SPARC: variants seen among roughly 807,000 people sequenced by gnomAD.
The protein encoded by SPARC is basement-membrane protein 40.
A neutral mutation model predicts 37.7 loss-of-function variants in SPARC; 23 were observed. The observed-to-expected ratio is 0.61, with a 90% CI of 0.44 to 0.87. The LOEUF (loss-of-function observed/expected upper bound fraction) is 0.87, where lower values mean the gene tolerates loss of function less well. Among genes scored for constraint, SPARC ranks in the 40% least tolerant of loss-of-function variants. SPARC has a pLI of 0.00. For missense variants in SPARC, 312 were observed against 389.0 expected (o/e 0.80, Z 1.66); for synonymous variants, 155 against 150.8 (o/e 1.03, Z -0.20).
At chr5:151,669,618 G>A (rs1213050227) in intron 6 of SPARC, 46 bp downstream of exon 6, 1 of 1,600,566 alleles carries the variant, frequency 6.2e-7, no homozygotes, top group Non-Finnish European at 8.5e-7. Flanking sequence ...CCAGCTCAGA[G>A]CTCTCTCCCC....
At chr5:151,671,799 C>T (rs1760754545) in intron 4 of SPARC, 105 bp from the exon 5 acceptor site, 2 of 1,500,148 alleles carry the variant, frequency 1.3e-6, no homozygotes, top group African/African-American at 2.8e-5. Flanking sequence ...CTGTGGCCCC[C>T]ACTCTGGGCT....
rs1760819451 is a variant in SPARC at position 151,674,639 on chromosome 5, C to T, written c.93G>A (p.Val31=). ...QEALPDETEV[V]EETVAEVTEV... ...CAGTCACCTCTGCCACAGTTTCTTCCACCACCTCTGTCTCATCAGGCAGGG... is the reference window on the plus strand; with the variant it reads ...CAGTCACCTCTGCCACAGTTTCTTCTACCACCTCTGTCTCATCAGGCAGGG... The change falls in exon 3 of 10, where the codon GTG becomes GTA. Residue 31 remains valine, a synonymous_variant. Coordinates refer to ENST00000231061, the MANE Select transcript of SPARC (RefSeq NM_003118.4). 6.2e-7 allele frequency: 1 copy of T among 1,614,030 alleles called. No individual in the cohort carries two copies. The highest frequency in any genetic ancestry group is 1.1e-5 in the South Asian group (1 of 91,088).
chr5:151,670,628 T>C (rs1034922226), intron 5 of SPARC, among the ~76,000 whole-genome samples: 29 of 152,282 alleles, frequency 1.9e-4, no homozygotes, highest in African/African-American at 7.0e-4. Flanking sequence ...GGAGTCCTAG[T>C]CGATCTCTGA....
chr5:151,679,740 G>C (rs1340296484), intron 1 of SPARC: 7 of 152,228 alleles, frequency 4.6e-5, no homozygotes, highest in Admixed American at 4.6e-4. Flanking sequence ...GGATGGAAAA[G>C]TACAGCCAGC....
In SPARC at chr5:151,667,490, G is replaced by A. The variant is rs769715292; in HGVS notation, c.562C>T (p.Leu188=). ...ACCCGCAGCTTCTGCTTCTCAGTCA[G>A]AAGGTTGTTGTCCTCATCCCTCTCA... is the stretch of plus-strand genomic sequence containing the variant. ...LYERDEDNNL[L]TEKQKLRVKK... is the part of the protein sequence containing the mutation. The change falls in exon 7 of 10, where the codon CTG becomes TTG. Residue 188 remains leucine, a synonymous_variant. Transcript: ENST00000231061. The A allele has an allele frequency of 9.3e-6, 15 of 1,614,230 alleles. No individual in the cohort carries two copies. Among genetic ancestry groups the A allele is most frequent in the Non-Finnish European group, 1.3e-5 (15 of 1,180,028 alleles).
At position 151,662,261 on chromosome 5, in the gene SPARC, C is replaced by T. The variant is rs1760521210; in HGVS notation, c.*1310G>A. The T allele has an allele frequency of 1.3e-5, 2 of 152,682 alleles. No homozygotes were observed. The highest frequency in any genetic ancestry group is 2.9e-5 in the Non-Finnish European group (2 of 68,052). 9.5% of individuals were successfully genotyped at this position (152,682 alleles called of 1,614,324 possible). A position where few individuals can be genotyped will look rare whatever the true frequency, so the allele number is the denominator to read the frequency against. On this transcript the variant is annotated 3_prime_UTR_variant, in exon 10 of 10. Transcript: ENST00000231061. ...TAACTTAGTGCTTACAGGAACCATACACTCCCTGTGTATAAACATGCCGGT... is the reference window on the plus strand; with the variant it reads ...TAACTTAGTGCTTACAGGAACCATATACTCCCTGTGTATAAACATGCCGGT...
At chr5:151,682,258 A>C (rs1417198376) in intron 1 of SPARC, among the ~76,000 whole-genome samples, 1 of 152,198 alleles carries the variant, frequency 6.6e-6, no homozygotes, top group Non-Finnish European at 1.5e-5. Flanking sequence ...TGGGGCTGGA[A>C]TCAGCCCGAG....
intron 1 of SPARC, among the ~76,000 whole-genome samples, chr5:151,682,069 C>T (rs978883344): frequency 1.3e-5 from 2 of 152,152 alleles, no homozygotes; most frequent in African/African-American, 2.4e-5. Flanking sequence ...TCTGATTTTC[C>T]GGATCAACTT....
chr5:151,674,693 A>C lies in SPARC; in HGVS notation c.58-19T>G, dbSNP rs747997615. The C allele has an allele frequency of 6.2e-7, 1 of 1,613,746 alleles. No homozygotes were observed. The highest frequency in any genetic ancestry group is 1.1e-5 in the South Asian group (1 of 91,064). On this transcript the variant is annotated intron_variant, in intron 2 of 9. Coordinates refer to ENST00000231061, the MANE Select transcript of SPARC (RefSeq NM_003118.4). ...CTTGCTGCTGTTGGAAAGAGAAAGT[A>C]GCGTTCAGAGGGGTCAGGAATAAGG...
chr5:151,682,590 G>C (rs1761020553), intron 1 of SPARC, among the ~76,000 whole-genome samples: 1 of 152,198 alleles, frequency 6.6e-6, no homozygotes, highest in Non-Finnish European at 1.5e-5. Flanking sequence ...CCTGAACACA[G>C]TTCTTCTGAC....
chr5:151,679,722 G>C (rs2113113917), intron 1 of SPARC: 1 of 152,358 alleles, frequency 6.6e-6, no homozygotes, highest in Middle Eastern at 3.4e-3. Flanking sequence ...TCTCTGGAAA[G>C]ACTCTGAGGA....
At chr5:151,681,655 G>A (rs1760993588) in intron 1 of SPARC, among the ~76,000 whole-genome samples, 1 of 152,234 alleles carries the variant, frequency 6.6e-6, no homozygotes, top group Non-Finnish European at 1.5e-5. Flanking sequence ...ACTTTGGGAG[G>A]CCAAGGAGGG....
intron 1 of SPARC, among the ~76,000 whole-genome samples, chr5:151,684,381 TTTCC>T (rs1761079385): frequency 6.6e-6 from 1 of 151,996 alleles, no homozygotes; most frequent in Non-Finnish European, 1.5e-5. Flanking sequence ...AGGAAGTGTC[TTTCC>T]CAATGTCAGG....
At chr5:151,674,745 G>A (rs1760821418) in intron 2 of SPARC, 71 bp from the exon 3 acceptor site, 1 of 1,464,162 alleles carries the variant, frequency 6.8e-7, no homozygotes, top group African/African-American at 1.4e-5. Flanking sequence ...AGTGCCTGTG[G>A]CCTCGGATAC....
intron 6 of SPARC, among the ~76,000 whole-genome samples, chr5:151,668,718 A>C (rs1172485947): frequency 1.3e-5 from 2 of 152,070 alleles, no homozygotes; most frequent in Middle Eastern, 3.2e-3. Context: ...GGGAAAGCAA[A>C]GCCACTTCAT....
At chr5:151,675,914 T>C (rs917876240) in intron 2 of SPARC, among the ~76,000 whole-genome samples, 3 of 152,136 alleles carry the variant, frequency 2.0e-5, no homozygotes, top group Non-Finnish European at 4.4e-5. Flanking sequence ...AAGAAGTTTA[T>C]CTAACATTAC....
chr5:151,673,180 C>T lies in SPARC; in HGVS notation c.157G>A (p.Gly53Arg), dbSNP rs146500464. The stretch of plus-strand genomic sequence containing the variant: ...TCCTCTGCACCATCATCAAATTCTC[C>T]TACTTCCACCTGGACAGGATTAGCT... Reference protein sequence around the residue: ...VGANPVQVEVGEFDDGAEETE... With the variant: ...VGANPVQVEVREFDDGAEETE... Residue 53 changes from glycine (G) to arginine (R), a missense_variant, in exon 4 of 10, where the codon GGA becomes AGA. Physicochemically the swap from Gly to Arg is moderately radical, Grantham distance 125 (BLOSUM62 -2). Transcript: ENST00000231061. 1,134 of 1,613,740 alleles carry T rather than the reference C, an allele frequency of 7.0e-4. 3 individuals carry two copies. The highest frequency in any genetic ancestry group is 9.4e-4 in the Non-Finnish European group (1,108 of 1,179,572).
chr5:151,663,740 G>A (rs565510228), intron 9 of SPARC, 141 bp from the exon 10 acceptor site: 29 of 777,736 alleles, frequency 3.7e-5, no homozygotes, highest in African/African-American at 3.3e-4. Flanking sequence ...AGTCAGTGAC[G>A]GAGGAATCTC....
At chr5:151,683,644 G>A (rs1256828393) in intron 1 of SPARC, among the ~76,000 whole-genome samples, 1 of 152,358 alleles carries the variant, frequency 6.6e-6, no homozygotes, top group African/African-American at 2.4e-5. Context: ...ATGTGTGGCT[G>A]CAAGTGGCGG....
Sources: allele counts gnomAD v4.1 joint callset (sites outside exome capture counted in the v4.1 genomes callset), GRCh38; gene constraint gnomAD v4.1.1; transcripts MANE v1.5; gene names NCBI Gene and HGNC (gene_info 2026-07-23, HGNC 2026-07-21).